The following PKP4 variants were observed in gnomAD, a reference collection of about 807,000 sequenced individuals.
The protein encoded by PKP4 is plakophilin 4, also known as plakophilin-4.
Under a neutral mutation model 145.1 loss-of-function variants are expected in PKP4, and 90 were observed. The ratio of observed to expected loss-of-function variants is 0.62; its 90% CI spans 0.52 to 0.74. PKP4 has a LOEUF of 0.74. Among genes scored for constraint, PKP4 ranks in the 30% least tolerant of loss-of-function variants. The probability of loss-of-function intolerance (pLI) is 0.00; values close to 1 mark genes in which losing one functional copy is unlikely to be tolerated. For missense variants in PKP4, 1,340 were observed against 1,482.7 expected, an observed-to-expected ratio of 0.90 and a Z score of 1.58; for synonymous variants, 563 against 577.2, an observed-to-expected ratio of 0.98 and a Z score of 0.35.
Position 158,680,716 on chromosome 2 carries a change from CT to C in PKP4, c.*41del. The C allele has an allele frequency of 6.5e-7, 1 of 1,535,286 alleles. No individual in the cohort carries two copies. The highest frequency in any genetic ancestry group is 8.8e-7 in the Non-Finnish European group (1 of 1,141,064). On this transcript the variant is annotated 3_prime_UTR_variant, in exon 22 of 22. Transcript: ENST00000389759. The stretch of plus-strand genomic sequence containing the variant: ...AACAGAGGAACTCTTTCTTTCTAAC[CT>C]TGTTCAGATTGAGGTGAAAAGTCCA...
intron 1 of PKP4, among the ~76,000 whole-genome samples, chr2:158,479,119 C>G (rs1023595237): frequency 9.2e-5 from 14 of 152,074 alleles, no homozygotes; most frequent in African/African-American, 3.4e-4. Context: ...TAGGAGTTAC[C>G]TAAGTAGTAT....
At chr2:158,542,491 A>G (rs1211008700) in intron 2 of PKP4, among the ~76,000 whole-genome samples, 1 of 152,172 alleles carries the variant, frequency 6.6e-6, no homozygotes, top group Non-Finnish European at 1.5e-5. Context: ...GATCTGCACT[A>G]CAGAACTGGG....
chr2:158,593,453 G>A (rs1574672472), intron 3 of PKP4, among the ~76,000 whole-genome samples: 3 of 152,194 alleles, frequency 2.0e-5, no homozygotes, highest in African/African-American at 7.2e-5. Flanking sequence ...AGGGATACCA[G>A]AGGGAACTGT....
rs367848231 is a variant in PKP4, at chr2:158,566,077, G to T, written c.133-11194G>T. ...AGCCACAGAATATCTGCGGACAATT[G>T]TAAAAGTAAACCTAGTATAGTCTTA... On this transcript the variant is annotated intron_variant, in intron 2 of 21. Coordinates refer to ENST00000389759, the MANE Select transcript of PKP4 (RefSeq NM_003628.6). Among the ~76,000 whole-genome samples the T allele has an allele frequency of 4.9e-4, 75 of 152,252 alleles. 2 individuals are homozygous for T. In the South Asian group the frequency reaches 0.015, roughly 30 times the overall value.
chr2:158,533,139 G>T, intron 1 of PKP4, 41 bp from the exon 2 acceptor site: 1 of 1,555,932 alleles, frequency 6.4e-7, no homozygotes, highest in Middle Eastern at 2.3e-4. Context: ...CTGCAAGGGA[G>T]CCCAGAAGAA....
intron 7 of PKP4, among the ~76,000 whole-genome samples, chr2:158,628,888 A>G (rs2053076851): frequency 6.6e-6 from 1 of 152,132 alleles, no homozygotes; most frequent in East Asian, 1.9e-4. Flanking sequence ...GCTCTGTCCA[A>G]GTGTAAATGA....
intron 3 of PKP4, among the ~76,000 whole-genome samples, chr2:158,602,312 G>A (rs567303848): frequency 6.6e-6 from 1 of 152,274 alleles, no homozygotes; most frequent in African/African-American, 2.4e-5. Context: ...CAATAAGGGT[G>A]TACCTATTCA....
intron 1 of PKP4, among the ~76,000 whole-genome samples, chr2:158,472,935 C>T (rs1208590161): frequency 6.6e-6 from 1 of 152,116 alleles, no homozygotes; most frequent in Non-Finnish European, 1.5e-5. Context: ...GGTCTAATAT[C>T]CAGCATCTAT....
chr2:158,562,441 G>T (rs556111856), intron 2 of PKP4, among the ~76,000 whole-genome samples: 1 of 152,102 alleles, frequency 6.6e-6, no homozygotes, highest in Non-Finnish European at 1.5e-5. Flanking sequence ...TAGAGTAGTC[G>T]AATTCATAGA....
Position 158,491,399 on chromosome 2 carries a change from G to C in PKP4, c.-6+34181G>C, listed in dbSNP as rs568508022. ...ACAACCCAACACTTAGCGTGGTTCAGTCTGCCAGGTGTAAATCAACTCATT... is the reference window on the plus strand; with the variant it reads ...ACAACCCAACACTTAGCGTGGTTCACTCTGCCAGGTGTAAATCAACTCATT... On this transcript the variant is annotated intron_variant, in intron 1 of 21. Transcript: ENST00000389759. 5.3e-5 allele frequency among the ~76,000 whole-genome samples: 8 copies of C among 152,254 alleles called. No individual in the cohort carries two copies. In the East Asian group the frequency reaches 9.7e-4, roughly 18 times the overall value.
chr2:158,484,728 A>G (rs978054403), intron 1 of PKP4, among the ~76,000 whole-genome samples: 1 of 152,224 alleles, frequency 6.6e-6, no homozygotes, highest in East Asian at 1.9e-4. Flanking sequence ...ATCTTCGCTT[A>G]TAAATGGGTT....
At chr2:158,469,800 A>G (rs1254613731) in intron 1 of PKP4, among the ~76,000 whole-genome samples, 2 of 152,202 alleles carry the variant, frequency 1.3e-5, no homozygotes, top group Admixed American at 6.5e-5. Flanking sequence ...CTGTATTTGA[A>G]TGATATAACC....
chr2:158,528,223 AC>A (rs537968187), intron 1 of PKP4, among the ~76,000 whole-genome samples: 28,942 of 149,876 alleles, frequency 0.19, 3,627 homozygotes, highest in Middle Eastern at 0.34. Flanking sequence ...AATAGCAAAG[AC>A]TTGGAACCAA....
chr2:158,568,807 C>T (rs1210864178), intron 2 of PKP4, among the ~76,000 whole-genome samples: 1 of 152,096 alleles, frequency 6.6e-6, no homozygotes, highest in Non-Finnish European at 1.5e-5. Context: ...AACCCCATCT[C>T]TACTAAAAAT....
intron 1 of PKP4, among the ~76,000 whole-genome samples, chr2:158,472,313 TAAA>T (rs1277396225): frequency 8.3e-6 from 1 of 120,102 alleles, no homozygotes; most frequent in Non-Finnish European, 1.8e-5. Context: ...AAATGAATTT[TAAA>T]AAGTAGAATT....
intron 1 of PKP4, among the ~76,000 whole-genome samples, chr2:158,519,518 C>T (rs2042187540): frequency 6.6e-6 from 1 of 152,074 alleles, no homozygotes; most frequent in South Asian, 2.1e-4. Context: ...CTGACATTGG[C>T]CCCAGGCCTG....
chr2:158,544,952 C>T (rs1374290220), intron 2 of PKP4, among the ~76,000 whole-genome samples: 1 of 152,128 alleles, frequency 6.6e-6, no homozygotes. Context: ...GCCTCTCATT[C>T]ACAGGACTAG....
chr2:158,509,031 T>A (rs1045825799), intron 1 of PKP4, among the ~76,000 whole-genome samples: 1 of 152,196 alleles, frequency 6.6e-6, no homozygotes, highest in Admixed American at 6.5e-5. Context: ...TCAGTGAATT[T>A]CAAATTATAG....
rs113213804 is a variant in PKP4 at position 158,650,982 on chromosome 2, A to G, written c.1910-7149A>G. ...GAGGGGTCACTGCACAGGTTTCAGG[A>G]ACTCTGCTCAGATAGTGGCATCTTA... On this transcript the variant is annotated intron_variant, in intron 11 of 21. Coordinates refer to ENST00000389759, the MANE Select transcript of PKP4 (RefSeq NM_003628.6). Among the ~76,000 whole-genome samples, 778 of 152,316 alleles carry G rather than the reference A, an allele frequency of 5.1e-3. 4 individuals carry two copies. Among genetic ancestry groups the G allele is most frequent in the African/African-American group, 0.018 (738 of 41,568 alleles).
Sources: gnomAD v4.1 joint callset for allele counts (sites outside exome capture counted in the v4.1 genomes callset) on GRCh38, gnomAD v4.1.1 for gene constraint, MANE v1.5 for transcripts, NCBI Gene and HGNC (gene_info 2026-07-23, HGNC 2026-07-21) for gene names.